The following PALLD variants were observed in gnomAD, a reference collection of about 807,000 sequenced individuals.
PALLD encodes the protein palladin.
Under a neutral mutation model 123.5 loss-of-function variants are expected in PALLD, and 61 were observed. That is an observed-to-expected ratio of 0.49 (90% CI 0.40 to 0.61). The LOEUF is 0.61. PALLD is among the 20% of genes least tolerant of loss of function. PALLD has a pLI of 0.00. For missense variants in PALLD, 1,273 were observed against 1,377.0 expected, an observed-to-expected ratio of 0.92 and a Z score of 1.20; for synonymous variants, 465 against 496.4, an observed-to-expected ratio of 0.94 and a Z score of 0.84.
At chr4:168,813,333 T>G (rs1741440361) in intron 10 of PALLD, among the ~76,000 whole-genome samples, 1 of 152,202 alleles carries the variant, frequency 6.6e-6, no homozygotes, top group African/African-American at 2.4e-5. Context: ...TGCCCAACAC[T>G]TTCCTAGGTA....
chr4:168,567,574 G>T (rs1768531249), intron 2 of PALLD, among the ~76,000 whole-genome samples: 5 of 92,556 alleles, frequency 5.4e-5, no homozygotes, highest in South Asian at 3.3e-4. Flanking sequence ...TGTGTATGTA[G>T]ATATATATAT....
At position 168,512,386 on chromosome 4, in the gene PALLD, C is replaced by T; in HGVS notation, c.882C>T (p.Val294=). The change falls in exon 2 of 22, where the codon GTC becomes GTT. Residue 294 remains valine (V), a synonymous_variant. Coordinates refer to ENST00000505667, the MANE Select transcript of PALLD (RefSeq NM_001166108.2). ...EGSRVYLECR[V]TGNPTPRVRW... is the part of the protein sequence containing the mutation. ...GCCGAGTTTATCTGGAGTGTAGAGT[C>T]ACTGGAAACCCCACTCCTCGAGTCA... 1 of 1,613,648 alleles carries T rather than the reference C, an allele frequency of 6.2e-7. No homozygotes were observed. The highest frequency in any genetic ancestry group is 8.5e-7 in the Non-Finnish European group (1 of 1,180,012).
At chr4:168,901,078 CT>C (rs1756415822) in intron 14 of PALLD, among the ~76,000 whole-genome samples, 2 of 152,100 alleles carry the variant, frequency 1.3e-5, no homozygotes, top group African/African-American at 2.4e-5. Flanking sequence ...ATTGTTTAAA[CT>C]TTTCATTGTT....
chr4:168,717,935 A>C (rs956254783), intron 10 of PALLD, among the ~76,000 whole-genome samples: 4 of 152,110 alleles, frequency 2.6e-5, no homozygotes, highest in African/African-American at 9.7e-5. Flanking sequence ...ATTCGGAAGG[A>C]CTAGGAGGAC....
Position 168,924,275 on chromosome 4 carries a change from C to G in PALLD, c.3079C>G (p.Pro1027Ala), listed in dbSNP as rs1762157666. 6.2e-7 allele frequency: 1 copy of G among 1,613,946 alleles called. No homozygotes were observed. The highest frequency in any genetic ancestry group is 1.1e-5 in the South Asian group (1 of 91,082). The change falls in exon 19 of 22, where the codon CCT becomes GCT. Residue 1027 changes from proline (P) to alanine (A), a missense_variant. This residue lies in a region of PALLD where 329 missense variants were observed against 422.5 expected (regional missense o/e 0.78). Transcript: ENST00000505667. The stretch of plus-strand genomic sequence containing the variant: ...CTTAGCTAAAGAAGCACACAAACCC[C>G]CTGTGTTTATTGAGAAGCTCCAAAA... ...VVAAKEAHKP[P>A]VFIEKLQNTG...
chr4:168,780,089 G>T (rs1735698469), intron 10 of PALLD, among the ~76,000 whole-genome samples: 1 of 152,022 alleles, frequency 6.6e-6, no homozygotes, highest in African/African-American at 2.4e-5. Flanking sequence ...GGTAGAGATG[G>T]GGTTTCACCA....
intron 21 of PALLD, 53 bp downstream of exon 21, chr4:168,925,331 T>C (rs2126598106): frequency 7.5e-7 from 1 of 1,339,112 alleles, no homozygotes; most frequent in Non-Finnish European, 1.1e-6. Context: ...TGATTTCTCT[T>C]ACATTGGCTA....
At chr4:168,641,122 G>A (rs1160188929) in intron 2 of PALLD, among the ~76,000 whole-genome samples, 2 of 151,884 alleles carry the variant, frequency 1.3e-5, no homozygotes, top group African/African-American at 4.8e-5. Context: ...GCAGGAGAAT[G>A]GCATGAACCT....
At chr4:168,708,561 G>A (rs1784433161) in intron 8 of PALLD, among the ~76,000 whole-genome samples, 1 of 152,070 alleles carries the variant, frequency 6.6e-6, no homozygotes, top group South Asian at 2.1e-4. Context: ...ACATATACAG[G>A]TCATGTTCTT....
chr4:168,762,863 A>C (rs111490348), intron 10 of PALLD, among the ~76,000 whole-genome samples: 4,160 of 152,328 alleles, frequency 0.027, 189 homozygotes, highest in African/African-American at 0.094. Context: ...GGATGAATTC[A>C]TGTCCTTTGC....
chr4:168,774,493 C>T (rs781486501), intron 10 of PALLD, among the ~76,000 whole-genome samples: 6 of 152,014 alleles, frequency 3.9e-5, no homozygotes, highest in Non-Finnish European at 7.4e-5. Flanking sequence ...TTTGGGAGGC[C>T]AAGGCAGGCG....
At chr4:168,781,423 A>G (rs1463096753) in intron 10 of PALLD, among the ~76,000 whole-genome samples, 1 of 152,238 alleles carries the variant, frequency 6.6e-6, no homozygotes, top group Non-Finnish European at 1.5e-5. Flanking sequence ...GCACTGGCAC[A>G]TAGAGCACAG....
intron 2 of PALLD, among the ~76,000 whole-genome samples, chr4:168,665,288 A>T (rs1317361795): frequency 1.3e-5 from 2 of 152,128 alleles, no homozygotes; most frequent in Non-Finnish European, 2.9e-5. Context: ...TTGGAATGTA[A>T]GTTTTTCCAG....
intron 8 of PALLD, among the ~76,000 whole-genome samples, chr4:168,694,909 G>C (rs980242748): frequency 1.3e-5 from 2 of 152,140 alleles, no homozygotes; most frequent in African/African-American, 4.8e-5. Context: ...ACTTTGTACT[G>C]ATAGACTCCT....
At chr4:168,692,119 G>C (rs1035275599) in intron 8 of PALLD, among the ~76,000 whole-genome samples, 1 of 152,102 alleles carries the variant, frequency 6.6e-6, no homozygotes. Context: ...GTGTCAAGCA[G>C]ATCTTGCCAC....
intron 2 of PALLD, among the ~76,000 whole-genome samples, chr4:168,580,081 G>A (rs1447078219): frequency 1.3e-5 from 2 of 151,930 alleles, no homozygotes; most frequent in Non-Finnish European, 2.9e-5. Flanking sequence ...TCTGTTTTAT[G>A]AGTTTGACTT....
chr4:168,918,698 AAATG>A (rs1189360151), intron 17 of PALLD, among the ~76,000 whole-genome samples: 1 of 152,204 alleles, frequency 6.6e-6, no homozygotes, highest in Non-Finnish European at 1.5e-5. Context: ...CTACAAAAAA[AAATG>A]AAGTCATACA....
intron 10 of PALLD, among the ~76,000 whole-genome samples, chr4:168,808,726 T>G (rs6553150): frequency 0.54 from 81,376 of 152,026 alleles, 22,717 homozygotes; most frequent in Non-Finnish European, 0.63. Context: ...GCTGCACTGT[T>G]AGAGAGCATG....
At chr4:168,921,425 AAG>A in intron 17 of PALLD, 107 bp from the exon 18 acceptor site, 3 of 677,994 alleles carry the variant, frequency 4.4e-6, no homozygotes, top group South Asian at 1.9e-5. Flanking sequence ...AAAAAAAAAA[AAG>A]CCACCTCTTG....
Sources: gnomAD v4.1 joint callset for allele counts (sites outside exome capture counted in the v4.1 genomes callset) on GRCh38, gnomAD v4.1.1 for gene constraint, gnomAD v4.1.1 regional missense constraint, MANE v1.5 for transcripts, NCBI Gene and HGNC (gene_info 2026-07-23, HGNC 2026-07-21) for gene names.